The following SPMIP2 variants were observed in gnomAD, a reference collection of about 807,000 sequenced individuals.
SPMIP2 encodes the protein sperm microtubule inner protein 2.
the SPMIP2 span, among the ~76,000 whole-genome samples, chr4:158,952,325 G>C: frequency 6.6e-6 from 1 of 152,136 alleles, no homozygotes; most frequent in South Asian, 2.1e-4. Flanking sequence ...AAGGACCAGT[G>C]GGAGATTATT....
chr4:159,018,368 G>A, the SPMIP2 span, among the ~76,000 whole-genome samples: 1 of 152,144 alleles, frequency 6.6e-6, no homozygotes, highest in Non-Finnish European at 1.5e-5. Context: ...AACTATGTAG[G>A]GAAGGGAATC....
At chr4:159,057,134 T>C in the SPMIP2 span, among the ~76,000 whole-genome samples, 2 of 152,168 alleles carry the variant, frequency 1.3e-5, no homozygotes, top group African/African-American at 4.8e-5. Flanking sequence ...TGAAACTCTT[T>C]TCAGCAAGGG....
At chr4:159,056,038 A>G in the SPMIP2 span, among the ~76,000 whole-genome samples, 2,826 of 152,288 alleles carry the variant, frequency 0.019, 97 homozygotes, top group African/African-American at 0.065. Flanking sequence ...GCTCAAAATG[A>G]TAACCAATGT....
chr4:159,018,504 A>G, the SPMIP2 span, among the ~76,000 whole-genome samples: 8 of 152,176 alleles, frequency 5.3e-5, no homozygotes, highest in Admixed American at 5.2e-4. Context: ...CTTTGACTCT[A>G]GTGATAGGCA....
the SPMIP2 span, among the ~76,000 whole-genome samples, chr4:158,927,966 G>A: frequency 3.9e-5 from 6 of 152,220 alleles, no homozygotes; most frequent in Non-Finnish European, 8.8e-5. Flanking sequence ...CCTGCAGCCC[G>A]CCATGCCTGA....
chr4:159,003,757 G>A, the SPMIP2 span, among the ~76,000 whole-genome samples: 1 of 152,156 alleles, frequency 6.6e-6, no homozygotes, highest in Admixed American at 6.5e-5. Flanking sequence ...AAGGTAGACA[G>A]AAAAATACTC....
At chr4:158,911,431 T>A in the SPMIP2 span, among the ~76,000 whole-genome samples, 1 of 152,158 alleles carries the variant, frequency 6.6e-6, no homozygotes, top group South Asian at 2.1e-4. Flanking sequence ...CCCAGCTGAT[T>A]CATCTTCTCC....
the SPMIP2 span, among the ~76,000 whole-genome samples, chr4:158,947,231 T>G: frequency 6.6e-6 from 1 of 152,090 alleles, no homozygotes; most frequent in African/African-American, 2.4e-5. Flanking sequence ...AACAGAAAAC[T>G]GTCCAGATTT....
chr4:158,961,788 C>T, the SPMIP2 span, among the ~76,000 whole-genome samples: 4 of 152,000 alleles, frequency 2.6e-5, no homozygotes, highest in Non-Finnish European at 4.4e-5. Flanking sequence ...ATAAGCTGGT[C>T]CTTCTCTATC....
At chr4:159,051,821 G>A in the SPMIP2 span, among the ~76,000 whole-genome samples, 1 of 152,134 alleles carries the variant, frequency 6.6e-6, no homozygotes, top group South Asian at 2.1e-4. Flanking sequence ...TAAACGACTG[G>A]CATTCTTATC....
At chr4:159,081,899 AG>A in the SPMIP2 span, among the ~76,000 whole-genome samples, 1 of 152,150 alleles carries the variant, frequency 6.6e-6, no homozygotes, top group Non-Finnish European at 1.5e-5. Context: ...TGAGTCAAGG[AG>A]GGCCTGGAAT....
the SPMIP2 span, among the ~76,000 whole-genome samples, chr4:158,955,415 G>GT: frequency 1.3e-5 from 2 of 151,616 alleles, no homozygotes; most frequent in African/African-American, 4.8e-5. Context: ...TTTTTGTTTT[G>GT]TTTTTTTGAG....
chr4:158,894,693 A>G, the SPMIP2 span, among the ~76,000 whole-genome samples: 1 of 152,204 alleles, frequency 6.6e-6, no homozygotes, highest in Admixed American at 6.5e-5. Flanking sequence ...GAAAGCTAAT[A>G]AAGATCCTTT....
the SPMIP2 span, among the ~76,000 whole-genome samples, chr4:158,961,745 A>G: frequency 2.0e-5 from 3 of 152,100 alleles, no homozygotes; most frequent in African/African-American, 7.2e-5. Context: ...CCTCCTATAG[A>G]TATCAGTCCC....
At chr4:158,894,650 C>T in the SPMIP2 span, among the ~76,000 whole-genome samples, 1 of 152,068 alleles carries the variant, frequency 6.6e-6, no homozygotes, top group Non-Finnish European at 1.5e-5. Context: ...GTGACTCTTA[C>T]TAAAAATTTT....
At chr4:159,079,581 G>A in the SPMIP2 span, among the ~76,000 whole-genome samples, 1 of 152,180 alleles carries the variant, frequency 6.6e-6, no homozygotes, top group Admixed American at 6.5e-5. Flanking sequence ...AAGAAGACTT[G>A]GGGTTTTTGT....
chr4:158,945,073 T>C, the SPMIP2 span, among the ~76,000 whole-genome samples: 1 of 133,266 alleles, frequency 7.5e-6, no homozygotes, highest in South Asian at 2.1e-4. Context: ...GTCTCTGTAC[T>C]GTTCATGATT....
the SPMIP2 span, among the ~76,000 whole-genome samples, chr4:158,994,772 A>G: frequency 6.6e-6 from 1 of 152,198 alleles, no homozygotes; most frequent in Admixed American, 6.6e-5. Context: ...AATGAACTCT[A>G]ATGGGCACGT....
chr4:159,017,523 G>A, the SPMIP2 span, among the ~76,000 whole-genome samples: 1 of 151,930 alleles, frequency 6.6e-6, no homozygotes, highest in South Asian at 2.1e-4. Context: ...GCTCACTACA[G>A]CCTTGAACTC....
Sources: allele counts gnomAD v4.1 joint callset (sites outside exome capture counted in the v4.1 genomes callset), GRCh38; gene constraint gnomAD v4.1.1; transcripts MANE v1.5; gene names NCBI Gene and HGNC (gene_info 2026-07-23, HGNC 2026-07-21).